Variants in FHIT observed in about 807,000 individuals in gnomAD.
The protein encoded by FHIT is bis(5'-adenosyl)-triphosphatase.
In FHIT, 19 loss-of-function variants were observed where a neutral mutation model predicts 17.9. The ratio of observed to expected loss-of-function variants is 1.06; its 90% CI spans 0.74 to 1.56. The LOEUF (loss-of-function observed/expected upper bound fraction) is 1.56, where lower values mean the gene tolerates loss of function less well. Among genes scored for constraint, FHIT ranks in the 40% most tolerant of loss-of-function variants. FHIT has a pLI of 0.00. For missense variants in FHIT, 248 were observed against 189.2 expected, an observed-to-expected ratio of 1.31 and a Z score of -1.82; for synonymous variants, 81 against 69.7, an observed-to-expected ratio of 1.16 and a Z score of -0.81.
At chr3:61,155,918 A>G (rs1466111744) in intron 2 of FHIT, among the ~76,000 whole-genome samples, 1 of 152,160 alleles carries the variant, frequency 6.6e-6, no homozygotes, top group African/African-American at 2.4e-5. Context: ...TGTTCAAATA[A>G]TGAAATGCTA....
At chr3:60,287,041 C>A (rs1040093460) in intron 5 of FHIT, among the ~76,000 whole-genome samples, 1 of 152,148 alleles carries the variant, frequency 6.6e-6, no homozygotes, top group East Asian at 1.9e-4. Context: ...TCTACTTTTC[C>A]TCCTGATGCC....
At chr3:60,818,012 C>T (rs1365687936) in intron 4 of FHIT, among the ~76,000 whole-genome samples, 9 of 152,068 alleles carry the variant, frequency 5.9e-5, no homozygotes, top group African/African-American at 1.9e-4. Context: ...AGTTCACTAA[C>T]ACTTTCCTTT....
intron 8 of FHIT, among the ~76,000 whole-genome samples, chr3:59,877,552 G>A (rs946095065): frequency 1.3e-5 from 2 of 152,180 alleles, no homozygotes; most frequent in African/African-American, 4.8e-5. Flanking sequence ...AAGCCCTATG[G>A]TTCTTCAGAA....
chr3:60,083,183 G>A (rs1012938575), intron 5 of FHIT, among the ~76,000 whole-genome samples: 1 of 152,080 alleles, frequency 6.6e-6, no homozygotes, highest in Non-Finnish European at 1.5e-5. Flanking sequence ...TGTGCATATA[G>A]TTAGCCAGCT....
intron 5 of FHIT, among the ~76,000 whole-genome samples, chr3:60,061,646 A>G (rs1425449023): frequency 1.3e-5 from 2 of 152,230 alleles, no homozygotes; most frequent in Non-Finnish European, 2.9e-5. Flanking sequence ...GTTTTACATC[A>G]TAGAGTGTTA....
intron 5 of FHIT, among the ~76,000 whole-genome samples, chr3:60,181,826 T>G (rs1055274249): frequency 2.0e-5 from 3 of 152,286 alleles, no homozygotes; most frequent in East Asian, 3.9e-4. Flanking sequence ...CCTTCATATT[T>G]TAGCATTTAT....
At chr3:60,363,815 A>G (rs1297216966) in intron 5 of FHIT, among the ~76,000 whole-genome samples, 1 of 152,158 alleles carries the variant, frequency 6.6e-6, no homozygotes, top group African/African-American at 2.4e-5. Flanking sequence ...GGAGATGAGA[A>G]GGAGGGAAGA....
intron 4 of FHIT, among the ~76,000 whole-genome samples, chr3:60,669,066 A>T (rs2107839121): frequency 6.6e-6 from 1 of 152,310 alleles, no homozygotes; most frequent in South Asian, 2.1e-4. Flanking sequence ...TTATTTGTGT[A>T]CATCCACGGA....
intron 5 of FHIT, among the ~76,000 whole-genome samples, chr3:60,024,814 C>A (rs1412548507): frequency 6.6e-6 from 1 of 152,136 alleles, no homozygotes; most frequent in Non-Finnish European, 1.5e-5. Flanking sequence ...TAGCCTTGGT[C>A]AGCAGTCTGT....
At chr3:60,532,541 A>G in intron 5 of FHIT, among the ~76,000 whole-genome samples, 1 of 152,228 alleles carries the variant, frequency 6.6e-6, no homozygotes, top group East Asian at 1.9e-4. Context: ...GTACTCTTCA[A>G]AATGATTCTG....
chr3:60,805,444 C>T (rs1382554681), intron 4 of FHIT, among the ~76,000 whole-genome samples: 1 of 152,176 alleles, frequency 6.6e-6, no homozygotes, highest in Non-Finnish European at 1.5e-5. Context: ...TGTGTGCTTC[C>T]TCCCCTAGTA....
At chr3:61,210,956 G>A (rs1028060030) in intron 1 of FHIT, among the ~76,000 whole-genome samples, 10 of 151,590 alleles carry the variant, frequency 6.6e-5, no homozygotes, top group Middle Eastern at 3.4e-3. Flanking sequence ...TCCATCCCCC[G>A]TTTTTTATTG....
At chr3:60,613,533 TTATCTTTTCTGCTTA>T (rs2107736356) in intron 4 of FHIT, among the ~76,000 whole-genome samples, 1 of 152,254 alleles carries the variant, frequency 6.6e-6, no homozygotes, top group African/African-American at 2.4e-5. Flanking sequence ...GGAGCCTGGA[TTATCTTTTCTGCTTA>T]TATCTTTCTT....
intron 4 of FHIT, among the ~76,000 whole-genome samples, chr3:60,657,949 C>T (rs1553690095): frequency 6.6e-6 from 1 of 152,118 alleles, no homozygotes; most frequent in African/African-American, 2.4e-5. Context: ...ACATACATAA[C>T]ATAAAATTTA....
At chr3:61,051,387 C>A (rs2034021857) in intron 2 of FHIT, among the ~76,000 whole-genome samples, 1 of 151,936 alleles carries the variant, frequency 6.6e-6, no homozygotes, top group Admixed American at 6.6e-5. Context: ...ATAGCTGGGA[C>A]TACAGGCATG....
intron 7 of FHIT, among the ~76,000 whole-genome samples, chr3:59,976,273 G>A (rs1708408148): frequency 6.6e-6 from 1 of 151,990 alleles, no homozygotes; most frequent in African/African-American, 2.4e-5. Context: ...TCCCTGCCCT[G>A]ACTCCCCAGA....
chr3:60,545,594 T>C (rs904846162), intron 4 of FHIT, among the ~76,000 whole-genome samples: 1 of 152,224 alleles, frequency 6.6e-6, no homozygotes, highest in Non-Finnish European at 1.5e-5. Context: ...TTGTTATTAT[T>C]TCCTATTTAA....
At chr3:60,143,989 A>T (rs942776170) in intron 5 of FHIT, among the ~76,000 whole-genome samples, 2 of 152,166 alleles carry the variant, frequency 1.3e-5, no homozygotes, top group Non-Finnish European at 2.9e-5. Flanking sequence ...AAGTAACAAC[A>T]CTAGGCATGA....
intron 5 of FHIT, among the ~76,000 whole-genome samples, chr3:60,081,319 G>T (rs1255746680): frequency 6.6e-6 from 1 of 152,016 alleles, no homozygotes; most frequent in African/African-American, 2.4e-5. Context: ...CTAAATCCAA[G>T]GGTGCTATTT....
Sources: allele counts gnomAD v4.1 joint callset (sites outside exome capture counted in the v4.1 genomes callset), GRCh38; gene constraint gnomAD v4.1.1; transcripts MANE v1.5; gene names NCBI Gene and HGNC (gene_info 2026-07-23, HGNC 2026-07-21).